Variants in S100A8 observed in about 807,000 individuals in gnomAD.
S100A8 encodes the protein S100 calcium binding protein A8.
In S100A8, 1 loss-of-function variant was observed where a neutral mutation model predicts 4.2. That is an observed-to-expected ratio of 0.24 (90% CI 0.08 to 1.12). The LOEUF (loss-of-function observed/expected upper bound fraction) is 1.12. Ranked by LOEUF, S100A8 falls within the 50% of genes most tolerant of loss-of-function variation. The probability of loss-of-function intolerance (pLI) is 0.53; values close to 1 mark genes in which losing one functional copy is unlikely to be tolerated. For missense variants in S100A8, 96 were observed against 111.8 expected (o/e 0.86, Z 0.64); for synonymous variants, 41 against 44.7 (o/e 0.92, Z 0.33).
chr1:153,393,643 T>C (rs1344540761), upstream of S100A8, among the ~76,000 whole-genome samples: 1 of 152,158 alleles, frequency 6.6e-6, no homozygotes, highest in African/African-American at 2.4e-5. Context: ...ATTTCTGACA[T>C]GACAAGTTTT....
chr1:153,390,586 C>T, intron 1 of S100A8, 29 bp from the exon 2 acceptor site: 4 of 1,610,094 alleles, frequency 2.5e-6, no homozygotes, highest in Admixed American at 1.7e-5. Context: ...TGGGGAATCC[C>T]ATGGCAGGGA....
the S100A8 span, among the ~76,000 whole-genome samples, chr1:153,409,272 G>A: frequency 1.3e-5 from 2 of 152,078 alleles, no homozygotes; most frequent in Admixed American, 1.3e-4. Flanking sequence ...AAAATAAAGG[G>A]ATGAAGGAAG....
At chr1:153,413,845 G>A in the S100A8 span, among the ~76,000 whole-genome samples, 379 of 152,136 alleles carry the variant, frequency 2.5e-3, 4 homozygotes, top group African/African-American at 7.9e-3. Context: ...AGATTGCAGC[G>A]AGCCAAGATG....
chr1:153,412,956 G>A, the S100A8 span, among the ~76,000 whole-genome samples: 3 of 152,170 alleles, frequency 2.0e-5, no homozygotes, highest in East Asian at 1.9e-4. Context: ...GACACAAGAA[G>A]GGGAACATCA....
the S100A8 span, among the ~76,000 whole-genome samples, chr1:153,408,684 C>A: frequency 6.6e-6 from 1 of 152,138 alleles, no homozygotes; most frequent in African/African-American, 2.4e-5. Context: ...GTCAGATTCA[C>A]CAAAGTTGAA....
At chr1:153,392,872 A>G (rs995545170), upstream of S100A8, among the ~76,000 whole-genome samples, 1 of 152,246 alleles carries the variant, frequency 6.6e-6, no homozygotes, top group Non-Finnish European at 1.5e-5. Context: ...AGTGCCCAGC[A>G]CACACAATAA....
chr1:153,390,685 G>A, intron 1 of S100A8, 128 bp from the exon 2 acceptor site: 1 of 1,171,588 alleles, frequency 8.5e-7, no homozygotes, highest in Non-Finnish European at 1.2e-6. Flanking sequence ...AACCAAACCA[G>A]CAGATGGCTA....
chr1:153,418,483 C>T, the S100A8 span, among the ~76,000 whole-genome samples: 1 of 152,076 alleles, frequency 6.6e-6, no homozygotes, highest in East Asian at 1.9e-4. Flanking sequence ...GTGCACAGTC[C>T]CCTCCCAGCG....
At chr1:153,420,121 A>C in the S100A8 span, 1 of 152,234 alleles carries the variant, frequency 6.6e-6, no homozygotes, top group South Asian at 2.1e-4. Context: ...CATCACGGAA[A>C]TTCTGTAAGG....
upstream of S100A8, among the ~76,000 whole-genome samples, chr1:153,395,735 T>C (rs1662197568): frequency 6.6e-6 from 1 of 152,248 alleles, no homozygotes. Flanking sequence ...TTCCAGACTC[T>C]GGTCCTAACC....
At chr1:153,421,835 A>G in the S100A8 span, 1 of 152,214 alleles carries the variant, frequency 6.6e-6, no homozygotes, top group African/African-American at 2.4e-5. Context: ...ATTCCGTCCA[A>G]TTGGCAATGG....
chr1:153,400,185 G>T, the S100A8 span, among the ~76,000 whole-genome samples: 1 of 152,186 alleles, frequency 6.6e-6, no homozygotes, highest in Non-Finnish European at 1.5e-5. Context: ...GAAGCTAATA[G>T]AGGATTTTTT....
the S100A8 span, among the ~76,000 whole-genome samples, chr1:153,405,960 C>T: frequency 6.6e-6 from 1 of 152,172 alleles, no homozygotes; most frequent in African/African-American, 2.4e-5. Context: ...CCAACTGCTG[C>T]ACGAGTCCAG....
chr1:153,397,119 A>G, the S100A8 span, among the ~76,000 whole-genome samples: 1 of 152,168 alleles, frequency 6.6e-6, no homozygotes, highest in Admixed American at 6.5e-5. Context: ...ACTTCTCTTC[A>G]CAGCTGAACT....
the S100A8 span, among the ~76,000 whole-genome samples, chr1:153,402,372 C>T: frequency 6.6e-6 from 1 of 152,204 alleles, no homozygotes; most frequent in African/African-American, 2.4e-5. Context: ...TCAACCACTA[C>T]ATTACCTTGT....
the S100A8 span, among the ~76,000 whole-genome samples, chr1:153,407,721 A>T: frequency 6.6e-6 from 1 of 152,210 alleles, no homozygotes; most frequent in African/African-American, 2.4e-5. Flanking sequence ...ACCTCCCAGC[A>T]GGGGCCAACT....
the S100A8 span, among the ~76,000 whole-genome samples, chr1:153,410,193 T>C: frequency 6.6e-6 from 1 of 152,180 alleles, no homozygotes; most frequent in African/African-American, 2.4e-5. Context: ...ATCCAGGAGC[T>C]GGTTTTTTGA....
the S100A8 span, among the ~76,000 whole-genome samples, chr1:153,406,398 G>A: frequency 6.6e-6 from 1 of 151,942 alleles, no homozygotes; most frequent in Non-Finnish European, 1.5e-5. Flanking sequence ...AACTGCCTGG[G>A]GACCTGGGGG....
rs754761571 is a variant in S100A8 at position 153,390,483 on chromosome 1, T to G, written c.53A>C (p.Lys18Thr). ...ALNSIIDVYH[K>T]YSLIKGNFHA... ...GAAATTCCCCTTTATCAGGGAGTAC[T>G]TGTGGTAGACGTCGATGATAGAGTT... The change falls in exon 2 of 3, where the codon AAG becomes ACG. Residue 18 changes from lysine (K) to threonine (T), a missense_variant. By Grantham distance (78) the Lys-to-Thr change is moderately conservative (BLOSUM62 -1). Transcript: ENST00000368733. 1.5e-5 allele frequency: 24 copies of G among 1,614,220 alleles called. No individual in the cohort carries two copies. The highest frequency in any genetic ancestry group is 1.9e-5 in the Non-Finnish European group (23 of 1,180,044).
Sources: allele counts gnomAD v4.1 joint callset (sites outside exome capture counted in the v4.1 genomes callset), GRCh38; gene constraint gnomAD v4.1.1; transcripts MANE v1.5; gene names NCBI Gene and HGNC (gene_info 2026-07-23, HGNC 2026-07-21).